The following DLGAP2 variants were observed in gnomAD, a reference collection of about 807,000 sequenced individuals.
DLGAP2 encodes the protein DLG associated protein 2.
A neutral mutation model predicts 100.3 loss-of-function variants in DLGAP2; 26 were observed. The ratio of observed to expected loss-of-function variants is 0.26; its 90% CI spans 0.19 to 0.36. The LOEUF is 0.36. DLGAP2 is among the 10% of genes least tolerant of loss of function. The pLI is 1.00. For missense variants in DLGAP2, 1,858 were observed against 1,453.2 expected (o/e 1.28, Z -4.53); for synonymous variants, 886 against 630.1 (o/e 1.41, Z -6.08).
chr8:794,114 T>C (rs1430070152), intron 1 of DLGAP2, among the ~76,000 whole-genome samples: 1 of 151,878 alleles, frequency 6.6e-6, no homozygotes, highest in East Asian at 1.9e-4. Context: ...ACAGGGTCCC[T>C]TGTGGTGTTG....
At chr8:988,218 A>G (rs1322850737) in intron 2 of DLGAP2, among the ~76,000 whole-genome samples, 2 of 152,232 alleles carry the variant, frequency 1.3e-5, no homozygotes, top group Non-Finnish European at 2.9e-5. Context: ...GTATTCAGAT[A>G]GAGAAATAGG....
intron 2 of DLGAP2, among the ~76,000 whole-genome samples, chr8:1,059,267 C>A (rs1213575262): frequency 6.6e-6 from 1 of 152,080 alleles, no homozygotes; most frequent in East Asian, 1.9e-4. Context: ...GGGGTCCCAG[C>A]ATACTCCATC....
At chr8:1,185,011 G>A (rs1359364995) in intron 2 of DLGAP2, among the ~76,000 whole-genome samples, 2 of 152,038 alleles carry the variant, frequency 1.3e-5, no homozygotes, top group Non-Finnish European at 2.9e-5. Flanking sequence ...AGCTGTTGAA[G>A]GGTCTGACCC....
At chr8:1,302,834 G>A (rs868867824) in intron 3 of DLGAP2, among the ~76,000 whole-genome samples, 23 of 152,382 alleles carry the variant, frequency 1.5e-4, no homozygotes, top group Admixed American at 4.6e-4. Context: ...GCCTGACGGC[G>A]CCGCTGGAGT....
chr8:1,056,025 A>ATT (rs1802872884), intron 2 of DLGAP2, among the ~76,000 whole-genome samples: 1 of 152,132 alleles, frequency 6.6e-6, no homozygotes, highest in Non-Finnish European at 1.5e-5. Flanking sequence ...CAGCTCAGGG[A>ATT]GTTGAGAGCA....
chr8:1,143,511 C>G (rs1275882420), intron 2 of DLGAP2, among the ~76,000 whole-genome samples: 1 of 152,136 alleles, frequency 6.6e-6, no homozygotes, highest in Non-Finnish European at 1.5e-5. Flanking sequence ...AACAGGAACC[C>G]ACGGGTGTGG....
intron 8 of DLGAP2, among the ~76,000 whole-genome samples, chr8:1,638,527 C>G (rs1021418319): frequency 6.6e-6 from 1 of 152,130 alleles, no homozygotes; most frequent in Non-Finnish European, 1.5e-5. Flanking sequence ...TAATGAAGAC[C>G]CGCGGCCCGG....
intron 2 of DLGAP2, among the ~76,000 whole-genome samples, chr8:1,256,548 GTGTGTGTC>G (rs1306038374): frequency 1.1e-3 from 166 of 148,752 alleles, no homozygotes; most frequent in African/African-American, 3.3e-3. Flanking sequence ...CAGGCGCTGT[GTGTGTGTC>G]CTTTCCTGCC....
At chr8:768,040 T>G (rs761152268) in intron 1 of DLGAP2, among the ~76,000 whole-genome samples, 6 of 152,224 alleles carry the variant, frequency 3.9e-5, no homozygotes, top group Non-Finnish European at 8.8e-5. Flanking sequence ...AAGGAAGATG[T>G]GCATTCTCTT....
intron 2 of DLGAP2, among the ~76,000 whole-genome samples, chr8:1,196,023 C>T (rs1350881966): frequency 6.6e-6 from 1 of 152,190 alleles, no homozygotes; most frequent in African/African-American, 2.4e-5. Context: ...TTAAGCTTCT[C>T]TCAAATAGCC....
intron 2 of DLGAP2, among the ~76,000 whole-genome samples, chr8:1,186,814 G>C (rs1325885453): frequency 6.6e-6 from 1 of 152,128 alleles, no homozygotes; most frequent in African/African-American, 2.4e-5. Context: ...GGAGTGCCTG[G>C]CTTGGCTTTG....
intron 8 of DLGAP2, among the ~76,000 whole-genome samples, chr8:1,666,831 CAT>C (rs1424079281): frequency 1.3e-5 from 2 of 152,140 alleles, no homozygotes; most frequent in East Asian, 3.9e-4. Context: ...AAAATCCACT[CAT>C]GGGTTAAAAA....
chr8:1,374,764 G>A (rs79451260), intron 3 of DLGAP2, among the ~76,000 whole-genome samples: 2,112 of 152,234 alleles, frequency 0.014, 55 homozygotes, highest in African/African-American at 0.047. Context: ...TGGAAATCCT[G>A]CAGGGCACCG....
intron 4 of DLGAP2, 34 bp from the exon 5 acceptor site, chr8:1,548,591 TC>T: frequency 6.9e-7 from 1 of 1,450,502 alleles, no homozygotes; most frequent in East Asian, 2.6e-5. Context: ...CCGCCGCGCT[TC>T]CGGGTGTTCA....
intron 4 of DLGAP2, among the ~76,000 whole-genome samples, chr8:1,523,540 C>A (rs1290798854): frequency 6.6e-6 from 1 of 152,236 alleles, no homozygotes; most frequent in Non-Finnish European, 1.5e-5. Flanking sequence ...CTGCCCCAGG[C>A]CGGCACCGCA....
At chr8:1,224,428 A>G (rs1176073914) in intron 2 of DLGAP2, among the ~76,000 whole-genome samples, 2 of 152,238 alleles carry the variant, frequency 1.3e-5, no homozygotes, top group Admixed American at 1.3e-4. Context: ...ATACATATTT[A>G]TGTACAAGTT....
intron 2 of DLGAP2, among the ~76,000 whole-genome samples, chr8:1,201,677 G>A (rs1196171662): frequency 6.6e-6 from 1 of 152,234 alleles, no homozygotes; most frequent in Non-Finnish European, 1.5e-5. Flanking sequence ...AGATGCCTGT[G>A]ACGTGGTCCA....
At chr8:1,569,866 A>C (rs1378897673) in intron 6 of DLGAP2, among the ~76,000 whole-genome samples, 1 of 148,216 alleles carries the variant, frequency 6.7e-6, no homozygotes, top group African/African-American at 2.5e-5. Flanking sequence ...TCTTCACCCC[A>C]TGGCACTGCT....
At chr8:1,632,791 G>C in intron 7 of DLGAP2, 36 bp from the exon 8 acceptor site, 1 of 1,559,464 alleles carries the variant, frequency 6.4e-7, no homozygotes, top group Non-Finnish European at 8.7e-7. Flanking sequence ...TGACCCTGGA[G>C]GGCCGGGGCA....
Sources: gnomAD v4.1 joint callset for allele counts (sites outside exome capture counted in the v4.1 genomes callset) on GRCh38, gnomAD v4.1.1 for gene constraint, MANE v1.5 for transcripts, NCBI Gene and HGNC (gene_info 2026-07-23, HGNC 2026-07-21) for gene names.